The following DAB1 variants were observed in gnomAD, a reference collection of about 807,000 sequenced individuals.
DAB1 encodes the protein DAB adaptor protein 1.
A neutral mutation model predicts 64.6 loss-of-function variants in DAB1; 15 were observed. That is an observed-to-expected ratio of 0.23 (90% CI 0.16 to 0.36). The LOEUF (loss-of-function observed/expected upper bound fraction) is 0.36. Among genes scored for constraint, DAB1 ranks in the 10% least tolerant of loss-of-function variants. The probability of loss-of-function intolerance (pLI) is 1.00; values close to 1 mark genes in which losing one functional copy is unlikely to be tolerated. For missense variants in DAB1, 596 were observed against 706.7 expected (o/e 0.84, Z 1.78); for synonymous variants, 235 against 251.9 (o/e 0.93, Z 0.64).
intron 4 of DAB1, among the ~76,000 whole-genome samples, chr1:57,123,143 G>A (rs945797921): frequency 2.6e-5 from 4 of 152,070 alleles, no homozygotes; most frequent in East Asian, 3.9e-4. Flanking sequence ...TTATGCATAC[G>A]TGGAGAATCA....
chr1:57,315,820 A>G (rs2100748197), intron 1 of DAB1, among the ~76,000 whole-genome samples: 1 of 152,276 alleles, frequency 6.6e-6, no homozygotes, highest in East Asian at 1.9e-4. Flanking sequence ...TATGATCTTT[A>G]AGAAACACCT....
At chr1:58,435,212 ATCC>A (rs1644928337) in intron 3 of DAB1, among the ~76,000 whole-genome samples, 1 of 152,086 alleles carries the variant, frequency 6.6e-6, no homozygotes, top group Non-Finnish European at 1.5e-5. Context: ...CAATGGCTGC[ATCC>A]TCCTCCCTCA....
At chr1:57,166,952 T>C (rs537078596) in intron 2 of DAB1, among the ~76,000 whole-genome samples, 9 of 152,326 alleles carry the variant, frequency 5.9e-5, no homozygotes, top group African/African-American at 2.2e-4. Context: ...CCACCACCTG[T>C]GCAGTTCAGG....
intron 4 of DAB1, among the ~76,000 whole-genome samples, chr1:57,107,270 G>A (rs1269984153): frequency 6.6e-6 from 1 of 151,918 alleles, no homozygotes; most frequent in Admixed American, 6.6e-5. Context: ...AGCTACTTGG[G>A]AGGCTGAGGC....
intron 5 of DAB1, among the ~76,000 whole-genome samples, chr1:57,991,525 T>C (rs921740854): frequency 3.3e-5 from 5 of 151,888 alleles, no homozygotes; most frequent in Non-Finnish European, 5.9e-5. Context: ...ACAGAAGCCA[T>C]GGGAGGCCAG....
chr1:58,228,854 C>T, intron 4 of DAB1: 1 of 605,022 alleles, frequency 1.7e-6, no homozygotes, highest in East Asian at 4.3e-5. Context: ...GGGAGCTCAG[C>T]ACCAGCAGGA....
At chr1:57,569,695 A>G (rs1300551642) in intron 7 of DAB1, among the ~76,000 whole-genome samples, 7 of 152,288 alleles carry the variant, frequency 4.6e-5, no homozygotes, top group East Asian at 3.9e-4. Flanking sequence ...ATGTATACAT[A>G]TGTAACAAAC....
At chr1:58,164,282 A>G (rs1029258948) in intron 4 of DAB1, among the ~76,000 whole-genome samples, 1 of 152,010 alleles carries the variant, frequency 6.6e-6, no homozygotes. Flanking sequence ...AAGGCTTTAC[A>G]TCACATCTCC....
chr1:57,963,524 A>G (rs981587978), intron 5 of DAB1, among the ~76,000 whole-genome samples: 1 of 152,190 alleles, frequency 6.6e-6, no homozygotes, highest in African/African-American at 2.4e-5. Context: ...TATTCCCAGA[A>G]CCTATTACAA....
chr1:57,139,443 T>C (rs139206756), intron 3 of DAB1, among the ~76,000 whole-genome samples: 1 of 152,078 alleles, frequency 6.6e-6, no homozygotes, highest in African/African-American at 2.4e-5. Flanking sequence ...AACAAATTTG[T>C]TTTTTATAAA....
At chr1:58,120,205 A>G (rs1017120114) in intron 5 of DAB1, among the ~76,000 whole-genome samples, 1 of 152,158 alleles carries the variant, frequency 6.6e-6, no homozygotes, top group African/African-American at 2.4e-5. Flanking sequence ...TCACTCCTAA[A>G]GAGTAGCAAG....
chr1:57,676,090 A>T (rs1646563310), intron 6 of DAB1, among the ~76,000 whole-genome samples: 1 of 152,190 alleles, frequency 6.6e-6, no homozygotes, highest in African/African-American at 2.4e-5. Flanking sequence ...AATGAAGTGG[A>T]GCTCATTATA....
At chr1:57,721,767 G>A (rs1647153888) in intron 6 of DAB1, among the ~76,000 whole-genome samples, 1 of 152,180 alleles carries the variant, frequency 6.6e-6, no homozygotes, top group Non-Finnish European at 1.5e-5. Context: ...CTCCTAGTGA[G>A]GAGCGTTCGG....
chr1:57,476,319 A>C (rs1226797846), intron 7 of DAB1, among the ~76,000 whole-genome samples: 1 of 151,964 alleles, frequency 6.6e-6, no homozygotes, highest in Non-Finnish European at 1.5e-5. Flanking sequence ...TATTATCTGT[A>C]ACATGCCCCA....
At chr1:57,842,782 C>A (rs55733745) in intron 1 of DAB1, among the ~76,000 whole-genome samples, 8 of 152,278 alleles carry the variant, frequency 5.3e-5, no homozygotes, top group Admixed American at 3.3e-4. Flanking sequence ...CTTTCCTCCA[C>A]ATGTGAGGAT....
At chr1:57,589,955 C>T (rs1260620246) in intron 7 of DAB1, among the ~76,000 whole-genome samples, 1 of 152,066 alleles carries the variant, frequency 6.6e-6, no homozygotes, top group Non-Finnish European at 1.5e-5. Flanking sequence ...TGAAAGAGCA[C>T]AAATTGGCCC....
intron 1 of DAB1, among the ~76,000 whole-genome samples, chr1:57,318,155 CAA>C (rs3042914): frequency 1.3e-4 from 13 of 103,398 alleles, no homozygotes; most frequent in African/African-American, 2.3e-4. Flanking sequence ...AGCTGCAACT[CAA>C]AAAAAAAAAA....
At chr1:57,518,187 C>T (rs931111185) in intron 7 of DAB1, among the ~76,000 whole-genome samples, 2 of 150,216 alleles carry the variant, frequency 1.3e-5, no homozygotes, top group Non-Finnish European at 2.9e-5. Context: ...TTGTCGTTGT[C>T]GTCATCATCA....
chr1:57,765,811 A>G (rs1649285976), intron 6 of DAB1, among the ~76,000 whole-genome samples: 1 of 151,852 alleles, frequency 6.6e-6, no homozygotes, highest in South Asian at 2.1e-4. Flanking sequence ...TTTATTTTTT[A>G]TGAGAGACAG....
Sources: allele counts gnomAD v4.1 joint callset (sites outside exome capture counted in the v4.1 genomes callset), GRCh38; gene constraint gnomAD v4.1.1; transcripts MANE v1.5; gene names NCBI Gene and HGNC (gene_info 2026-07-23, HGNC 2026-07-21).